The following FAM229B variants were observed in gnomAD, a reference collection of about 807,000 sequenced individuals.
FAM229B encodes protein FAM229B.
In FAM229B, 2 loss-of-function variants were observed where a neutral mutation model predicts 6.7. That is an observed-to-expected ratio of 0.30 (90% CI 0.12 to 0.94). FAM229B has a LOEUF of 0.94. Ranked by LOEUF, FAM229B falls within the 40% of genes least tolerant of loss-of-function variation. The probability of loss-of-function intolerance (pLI) is 0.54; values close to 1 mark genes in which losing one functional copy is unlikely to be tolerated. For synonymous variants in FAM229B, 29 were observed against 34.0 expected (o/e 0.85, Z 0.51); for missense variants, 93 against 96.2 (o/e 0.97, Z 0.14).
At chr6:112,098,207 G>A (rs1777351854) in intron 2 of FAM229B, among the ~76,000 whole-genome samples, 1 of 152,134 alleles carries the variant, frequency 6.6e-6, no homozygotes, top group Non-Finnish European at 1.5e-5. Flanking sequence ...GATAATGGGG[G>A]TTATAAAAGT....
At chr6:112,095,216 G>T (rs1008075203) in intron 1 of FAM229B, among the ~76,000 whole-genome samples, 13 of 152,114 alleles carry the variant, frequency 8.5e-5, no homozygotes, top group South Asian at 4.1e-4. Flanking sequence ...CCAGTTATTG[G>T]CTTTATACAT....
chr6:112,089,427 A>T (rs1777228245), intron 1 of FAM229B, among the ~76,000 whole-genome samples: 1 of 152,188 alleles, frequency 6.6e-6, no homozygotes, highest in Non-Finnish European at 1.5e-5. Context: ...GCTGAAGAAG[A>T]ACTTAAGAAT....
At chr6:112,092,965 T>A (rs1347571046) in intron 1 of FAM229B, among the ~76,000 whole-genome samples, 3 of 151,784 alleles carry the variant, frequency 2.0e-5, no homozygotes, top group African/African-American at 7.2e-5. Flanking sequence ...AAGAATGGAA[T>A]AAGAAGAAAA....
At chr6:112,091,204 T>C (rs2114501875) in intron 1 of FAM229B, among the ~76,000 whole-genome samples, 1 of 152,316 alleles carries the variant, frequency 6.6e-6, no homozygotes. Context: ...TAAGGCTGAA[T>C]AGTATTCCAT....
At position 112,099,307 on chromosome 6, in the gene FAM229B, G is replaced by A. The variant is rs1554318983; in HGVS notation, c.24G>A (p.Gln8=). 2 of 1,613,746 alleles carry A rather than the reference G, an allele frequency of 1.2e-6. No individual in the cohort carries two copies. MPFQFGT[Q]PRRFPVEGGD... ...GTATGCCTTTTCAATTTGGAACCCA[G>A]CCAAGGAGGTTTCCAGTGGAAGGAG... The change falls in exon 3 of 4, where the codon CAG becomes CAA. Residue 8 remains glutamine (Q), a synonymous_variant. Coordinates refer to ENST00000368656, the MANE Select transcript of FAM229B (RefSeq NM_001033564.3).
At chr6:112,090,972 T>C (rs1036061309) in intron 1 of FAM229B, among the ~76,000 whole-genome samples, 7 of 152,110 alleles carry the variant, frequency 4.6e-5, no homozygotes, top group Admixed American at 3.9e-4. Flanking sequence ...CTGAAACTTA[T>C]TGTATCCGTT....
chr6:112,099,381 G>A lies in FAM229B; in HGVS notation c.98G>A (p.Cys33Tyr), dbSNP rs1554319002. Residue 33 changes from cysteine to tyrosine, a missense_variant, in exon 3 of 4, where the codon TGT (cysteine) becomes TAT (tyrosine). By Grantham distance (194) the Cys-to-Tyr change is radical. Coordinates refer to ENST00000368656, the MANE Select transcript of FAM229B (RefSeq NM_001033564.3). ...LEPGLSSSAA[C>Y]NGKEMSPTRQ... is the part of the protein sequence containing the mutation. Reference sequence around the variant, plus strand: ...CCTGGGCTGAGCTCCAGTGCTGCCTGTAATGGGAAGGAGATGTCACCAACC... The same window carrying A: ...CCTGGGCTGAGCTCCAGTGCTGCCTATAATGGGAAGGAGATGTCACCAACC... The A allele has an allele frequency of 6.2e-7, 1 of 1,613,662 alleles. No homozygotes were observed. The highest frequency in any genetic ancestry group is 8.5e-7 in the Non-Finnish European group (1 of 1,179,738).
At chr6:112,090,117 A>G (rs1190829820) in intron 1 of FAM229B, among the ~76,000 whole-genome samples, 1 of 152,234 alleles carries the variant, frequency 6.6e-6, no homozygotes, top group Non-Finnish European at 1.5e-5. Flanking sequence ...ACATGCTGCA[A>G]AGTTCTGAAG....
intron 1 of FAM229B, among the ~76,000 whole-genome samples, chr6:112,090,901 T>C (rs1777248844): frequency 6.6e-6 from 1 of 152,172 alleles, no homozygotes; most frequent in African/African-American, 2.4e-5. Context: ...TTCTGAAATA[T>C]ATATTATTAA....
chr6:112,093,001 T>TA (rs1554318305), intron 1 of FAM229B, among the ~76,000 whole-genome samples: 2 of 151,730 alleles, frequency 1.3e-5, no homozygotes. Flanking sequence ...ATGGCACAAA[T>TA]AGAGTACAAA....
At chr6:112,093,549 C>T (rs2114504249) in intron 1 of FAM229B, among the ~76,000 whole-genome samples, 1 of 152,176 alleles carries the variant, frequency 6.6e-6, no homozygotes, top group Non-Finnish European at 1.5e-5. Flanking sequence ...GTGAAGCCAA[C>T]TATAGCAGCA....
At chr6:112,095,986 A>G (rs1362933803) in intron 1 of FAM229B, among the ~76,000 whole-genome samples, 2 of 152,244 alleles carry the variant, frequency 1.3e-5, no homozygotes, top group Non-Finnish European at 2.9e-5. Context: ...CCAGTTTTCT[A>G]TAACTTGAGT....
Position 112,096,338 on chromosome 6 carries a change from C to T in FAM229B, c.-175-703C>T, listed in dbSNP as rs587657183. Among the ~76,000 whole-genome samples the T allele has an allele frequency of 8.5e-5, 13 of 152,184 alleles. No individual in the cohort carries two copies. In the South Asian group the frequency reaches 1.5e-3, roughly 17 times the overall value. ...TTGGGAGGCCGAGGCGGGCGGATCA[C>T]GAGGTCAGGAGATCGAGACCATCCT... On this transcript the variant is annotated intron_variant, in intron 1 of 3. Coordinates refer to ENST00000368656, the MANE Select transcript of FAM229B (RefSeq NM_001033564.3).
At chr6:112,092,957 G>T (rs1275313074) in intron 1 of FAM229B, among the ~76,000 whole-genome samples, 1 of 151,804 alleles carries the variant, frequency 6.6e-6, no homozygotes, top group Non-Finnish European at 1.5e-5. Context: ...TGATCCAAAA[G>T]AATGGAATAA....
chr6:112,087,736 A>T lies in FAM229B; in HGVS notation c.-176+16A>T. The T allele has an allele frequency of 2.3e-6, 1 of 427,284 alleles. No individual in the cohort carries two copies. Among genetic ancestry groups the T allele is most frequent in the South Asian group, 4.9e-5 (1 of 20,270 alleles). The allele number at this position is 427,284 out of a possible 1,614,324, so 26.5% of individuals were successfully genotyped here. A position where few individuals can be genotyped will look rare whatever the true frequency, so the allele number is the denominator to read the frequency against. On this transcript the variant is annotated intron_variant, in intron 1 of 3. Coordinates refer to ENST00000368656, the MANE Select transcript of FAM229B (RefSeq NM_001033564.3). ...TAACTGGCAGGTAACTAGGCTTTGG[A>T]GTGGTATTTTAAAATATGTGTCGTT...
At chr6:112,100,502 T>C (rs1347292699) in intron 3 of FAM229B, among the ~76,000 whole-genome samples, 168 bp from the exon 4 acceptor site, 2 of 152,224 alleles carry the variant, frequency 1.3e-5, no homozygotes, top group African/African-American at 4.8e-5. Context: ...GTTATATCCA[T>C]CTAAAATGGG....
chr6:112,100,810 G>T lies in FAM229B; in HGVS notation c.*23G>T, dbSNP rs1330848205. ...TAGCACCATTAAGTCTTTTGTCAAG[G>T]TCTGACTAGGTCAAGGGTAATGGAC... is the stretch of plus-strand genomic sequence containing the variant. On this transcript the variant is annotated 3_prime_UTR_variant, in exon 4 of 4. Transcript: ENST00000368656. The T allele has an allele frequency of 3.2e-6, 5 of 1,542,780 alleles. No homozygotes were observed. The highest frequency in any genetic ancestry group is 4.5e-6 in the Non-Finnish European group (5 of 1,115,358).
At chr6:112,099,202 A>G (rs1777363253) in intron 2 of FAM229B, 68 bp from the exon 3 acceptor site, 4 of 1,374,074 alleles carry the variant, frequency 2.9e-6, no homozygotes, top group African/African-American at 1.4e-5. Context: ...TTTGAAGACA[A>G]TCTATCTCCA....
chr6:112,100,707 A>G lies in FAM229B; in HGVS notation c.163A>G (p.Ile55Val). 6 of 1,614,084 alleles carry G rather than the reference A, an allele frequency of 3.7e-6. No homozygotes were observed. In the South Asian group the frequency reaches 5.5e-5, roughly 15 times the overall value. Residue 55 changes from isoleucine to valine, a missense_variant, in exon 4 of 4, where the codon ATA becomes GTA. Physicochemically the swap from Ile to Val is conservative, Grantham distance 29 (BLOSUM62 3). Coordinates refer to ENST00000368656, the MANE Select transcript of FAM229B (RefSeq NM_001033564.3). The stretch of plus-strand genomic sequence containing the variant: ...GTGCCCTGGAAGTCATTGCCTGACA[A>G]TAACTGATGTTCCCGTCACTGTTTA... ...RRCPGSHCLT[I>V]TDVPVTVYAT...
Sources: gnomAD v4.1 joint callset for allele counts (sites outside exome capture counted in the v4.1 genomes callset) on GRCh38, gnomAD v4.1.1 for gene constraint, MANE v1.5 for transcripts, NCBI Gene and HGNC (gene_info 2026-07-23, HGNC 2026-07-21) for gene names.